The following HDAC9 variants were observed in gnomAD, a reference collection of about 807,000 sequenced individuals.
The protein encoded by HDAC9 is MEF-2 interacting transcription repressor (MITR) protein.
In HDAC9, 41 loss-of-function variants were observed where a neutral mutation model predicts 139.4. The ratio of observed to expected loss-of-function variants is 0.29; its 90% CI spans 0.23 to 0.38. The LOEUF (loss-of-function observed/expected upper bound fraction) is 0.38. HDAC9 is among the 10% of genes least tolerant of loss of function. The pLI, the probability that HDAC9 is intolerant of heterozygous loss-of-function variation, is 1.00. For missense variants in HDAC9, 1,147 were observed against 1,297.0 expected, an observed-to-expected ratio of 0.88 and a Z score of 1.78; for synonymous variants, 517 against 476.2, an observed-to-expected ratio of 1.09 and a Z score of -1.12.
chr7:18,323,177 A>G (rs1800158624), intron 1 of HDAC9, among the ~76,000 whole-genome samples: 1 of 152,144 alleles, frequency 6.6e-6, no homozygotes, highest in Non-Finnish European at 1.5e-5. Flanking sequence ...GTTATCTTTG[A>G]ACCCGTTCAG....
At chr7:18,559,919 T>C (rs1049151569) in intron 2 of HDAC9, among the ~76,000 whole-genome samples, 1 of 152,190 alleles carries the variant, frequency 6.6e-6, no homozygotes, top group Admixed American at 6.5e-5. Flanking sequence ...GTGAGTCAAA[T>C]TGACCCAAAT....
At chr7:18,665,477 G>A (rs1196075733) in intron 11 of HDAC9, among the ~76,000 whole-genome samples, 2 of 151,832 alleles carry the variant, frequency 1.3e-5, no homozygotes, top group Non-Finnish European at 2.9e-5. Flanking sequence ...ATTGACTTCT[G>A]AAAACTAAGT....
chr7:18,904,572 CTTTT>C (rs71017010), intron 22 of HDAC9, among the ~76,000 whole-genome samples: 29 of 71,956 alleles, frequency 4.0e-4, no homozygotes, highest in African/African-American at 6.6e-4. Context: ...CTCCCCATTT[CTTTT>C]TTTTTTTTTT....
At chr7:18,424,658 C>T (rs913284713) in intron 1 of HDAC9, among the ~76,000 whole-genome samples, 6 of 152,148 alleles carry the variant, frequency 3.9e-5, no homozygotes, top group African/African-American at 1.4e-4. Context: ...CCTGTAATCC[C>T]AACATTTTGG....
At chr7:18,336,933 A>G (rs537529233) in intron 1 of HDAC9, among the ~76,000 whole-genome samples, 1 of 151,750 alleles carries the variant, frequency 6.6e-6, no homozygotes, top group South Asian at 2.1e-4. Flanking sequence ...TATATTTTAT[A>G]ATTACCAATT....
chr7:18,505,608 T>G (rs1006456038), intron 2 of HDAC9, among the ~76,000 whole-genome samples: 1 of 152,222 alleles, frequency 6.6e-6, no homozygotes, highest in African/African-American at 2.4e-5. Flanking sequence ...TAATTTTGCT[T>G]TATTGGATGA....
intron 1 of HDAC9, among the ~76,000 whole-genome samples, chr7:18,377,177 CA>C (rs1785056726): frequency 6.6e-6 from 1 of 152,042 alleles, no homozygotes; most frequent in Non-Finnish European, 1.5e-5. Flanking sequence ...GATTCATAGA[CA>C]GTTACCTTTT....
At chr7:18,618,552 A>G (rs1020274770) in intron 6 of HDAC9, among the ~76,000 whole-genome samples, 2 of 151,888 alleles carry the variant, frequency 1.3e-5, no homozygotes, top group Non-Finnish European at 2.9e-5. Flanking sequence ...TGCACCCTAA[A>G]TAGATCTCAC....
chr7:18,422,375 G>A (rs968704378), intron 1 of HDAC9, among the ~76,000 whole-genome samples: 3 of 152,184 alleles, frequency 2.0e-5, no homozygotes, highest in Non-Finnish European at 4.4e-5. Flanking sequence ...CCAAGCAATA[G>A]CAACAAGAGA....
chr7:18,966,203 T>A (rs1361953442), intron 24 of HDAC9, among the ~76,000 whole-genome samples: 1 of 152,186 alleles, frequency 6.6e-6, no homozygotes, highest in Admixed American at 6.5e-5. Flanking sequence ...ATAACCCATC[T>A]CTCTTTTCCT....
chr7:18,459,389 GA>G (rs1380062493), intron 1 of HDAC9, among the ~76,000 whole-genome samples: 1 of 152,126 alleles, frequency 6.6e-6, no homozygotes. Context: ...ACTGGTAAGT[GA>G]AAAAATTTTC....
At chr7:18,776,798 G>A (rs1398773777) in intron 16 of HDAC9, among the ~76,000 whole-genome samples, 2 of 151,906 alleles carry the variant, frequency 1.3e-5, no homozygotes, top group African/African-American at 2.4e-5. Context: ...GATCCATACT[G>A]AGGGTGCAAA....
At chr7:18,169,585 T>C (rs1562701596) in intron 2 of HDAC9, among the ~76,000 whole-genome samples, 1 of 152,124 alleles carries the variant, frequency 6.6e-6, no homozygotes, top group East Asian at 1.9e-4. Flanking sequence ...ACATTAGATA[T>C]TTCTCCTAAT....
intron 24 of HDAC9, among the ~76,000 whole-genome samples, chr7:18,967,394 G>C (rs1031150533): frequency 1.3e-5 from 2 of 151,132 alleles, no homozygotes; most frequent in Middle Eastern, 3.4e-3. Flanking sequence ...ATGATACAGT[G>C]TCCTTAATTG....
intron 1 of HDAC9, among the ~76,000 whole-genome samples, chr7:18,437,981 G>A (rs960555842): frequency 6.7e-5 from 10 of 150,110 alleles, no homozygotes; most frequent in African/African-American, 2.0e-4. Flanking sequence ...ACACACATAC[G>A]TAGCATATCA....
At chr7:18,567,487 T>C (rs1822758594) in intron 2 of HDAC9, among the ~76,000 whole-genome samples, 1 of 152,232 alleles carries the variant, frequency 6.6e-6, no homozygotes, top group Admixed American at 6.5e-5. Context: ...TAAAATTTTG[T>C]ATAATGTGTT....
intron 13 of HDAC9, among the ~76,000 whole-genome samples, chr7:18,742,995 C>T (rs1476997240): frequency 6.6e-6 from 1 of 152,112 alleles, no homozygotes; most frequent in Non-Finnish European, 1.5e-5. Flanking sequence ...TATTTTGCTT[C>T]CTATAGTAAA....
chr7:18,976,030 T>A, intron 25 of HDAC9, 77 bp downstream of exon 25: 2 of 1,463,098 alleles, frequency 1.4e-6, no homozygotes, highest in Non-Finnish European at 1.9e-6. Context: ...ATCTTCCTCC[T>A]GGCTTTCCTT....
chr7:18,791,025 A>C (rs1033229022), intron 16 of HDAC9, among the ~76,000 whole-genome samples: 1 of 152,232 alleles, frequency 6.6e-6, no homozygotes, highest in Non-Finnish European at 1.5e-5. Context: ...CATCTTTGGC[A>C]GATAGAAAGG....
Sources: gnomAD v4.1 joint callset for allele counts (sites outside exome capture counted in the v4.1 genomes callset) on GRCh38, gnomAD v4.1.1 for gene constraint, MANE v1.5 for transcripts, NCBI Gene and HGNC (gene_info 2026-07-23, HGNC 2026-07-21) for gene names.